Variants in SORCS2 observed in about 807,000 individuals in gnomAD.
SORCS2 encodes the protein VPS10 domain-containing receptor SorCS2.
A neutral mutation model predicts 141.6 loss-of-function variants in SORCS2; 100 were observed. The observed-to-expected ratio is 0.71, with a 90% CI of 0.60 to 0.83. The LOEUF is 0.83. Ranked by LOEUF, SORCS2 falls within the 40% of genes least tolerant of loss-of-function variation. The pLI, the probability that SORCS2 is intolerant of heterozygous loss-of-function variation, is 0.00. For missense variants in SORCS2, 1,646 were observed against 1,560.2 expected, an observed-to-expected ratio of 1.05 and a Z score of -0.93; for synonymous variants, 789 against 676.9, an observed-to-expected ratio of 1.17 and a Z score of -2.57.
rs1177032434 is a variant in SORCS2, at chr4:7,733,340, C to G, written c.3127C>G (p.Gln1043Glu). Residue 1043 changes from glutamine (Q) to glutamate (E), a missense_variant, in exon 24 of 27, where the codon CAG becomes GAG. Gln to Glu is a conservative substitution (Grantham distance 29). Transcript: ENST00000507866. The part of the protein sequence containing the change: ...SSDKRLAAIQ[Q>E]VLNAQKISFL... The stretch of plus-strand genomic sequence containing the variant: ...CTTGCAGAGGCTCGCCGCCATCCAG[C>G]AGGTGCTGAACGCACAGAAGATCAG... 1 of 1,560,274 alleles carries G rather than the reference C, an allele frequency of 6.4e-7. No homozygotes were observed. Among genetic ancestry groups the G allele is most frequent in the Non-Finnish European group, 8.7e-7 (1 of 1,153,952 alleles).
At chr4:7,458,077 AG>A (rs1729037842) in intron 2 of SORCS2, among the ~76,000 whole-genome samples, 1 of 152,198 alleles carries the variant, frequency 6.6e-6, no homozygotes, top group Non-Finnish European at 1.5e-5. Context: ...AACTCCCCTC[AG>A]GGGTGCCATA....
At chr4:7,379,865 A>G (rs1231949176) in intron 1 of SORCS2, among the ~76,000 whole-genome samples, 1 of 152,198 alleles carries the variant, frequency 6.6e-6, no homozygotes, top group Non-Finnish European at 1.5e-5. Context: ...TTTAGACATC[A>G]CCAAATGCTA....
chr4:7,714,393 C>T lies in SORCS2; in HGVS notation c.2123+20C>T, dbSNP rs1045044545. The stretch of plus-strand genomic sequence containing the variant: ...CCTGTGGTGAGCGACGGGCTCCTGG[C>T]CACGAGGCCTCAGGCGCTGCTTGAG... On this transcript the variant is annotated intron_variant, in intron 16 of 26. Coordinates refer to ENST00000507866, the MANE Select transcript of SORCS2 (RefSeq NM_020777.3). 3.2e-6 allele frequency: 5 copies of T among 1,547,360 alleles called. No homozygotes were observed. The highest frequency in any genetic ancestry group is 2.4e-5 in the East Asian group (1 of 40,872).
intron 8 of SORCS2, among the ~76,000 whole-genome samples, chr4:7,674,840 T>C (rs7670494): frequency 0.095 from 14,191 of 149,006 alleles, 1,336 homozygotes; most frequent in African/African-American, 0.25. Flanking sequence ...TAGGCCCTCC[T>C]ATCAGATGAG....
chr4:7,423,332 C>G (rs948403244), intron 2 of SORCS2, among the ~76,000 whole-genome samples: 1 of 152,196 alleles, frequency 6.6e-6, no homozygotes, highest in African/African-American at 2.4e-5. Context: ...AGGTGACAGG[C>G]TCAAGGGAGC....
chr4:7,317,933 G>T (rs2336116), intron 1 of SORCS2, among the ~76,000 whole-genome samples: 88,302 of 152,040 alleles, frequency 0.58, 25,757 homozygotes, highest in South Asian at 0.72. Context: ...GTTGAAGTCC[G>T]AACCCCTAGC....
intron 2 of SORCS2, among the ~76,000 whole-genome samples, chr4:7,463,663 G>T (rs1729444674): frequency 6.6e-6 from 1 of 152,210 alleles, no homozygotes; most frequent in Admixed American, 6.5e-5. Context: ...TCAGTGATTT[G>T]TGCTTGCTGA....
chr4:7,714,550 C>T (rs781599444), intron 16 of SORCS2, among the ~76,000 whole-genome samples, 177 bp downstream of exon 16: 1 of 152,350 alleles, frequency 6.6e-6, no homozygotes, highest in Non-Finnish European at 1.5e-5. Context: ...TCACCAAGAC[C>T]AGCCCACACT....
intron 4 of SORCS2, among the ~76,000 whole-genome samples, chr4:7,652,323 C>G (rs1036716257): frequency 2.6e-5 from 4 of 152,184 alleles, no homozygotes; most frequent in Non-Finnish European, 4.4e-5. Context: ...CCTGGCATTT[C>G]CAAAACTCAT....
Position 7,416,914 on chromosome 4 carries a change from A to G in SORCS2, c.548+20559A>G, listed in dbSNP as rs546421171. On this transcript the variant is annotated intron_variant, in intron 2 of 26. Coordinates refer to ENST00000507866, the MANE Select transcript of SORCS2 (RefSeq NM_020777.3). The stretch of plus-strand genomic sequence containing the variant: ...CATGCACACACACGTGTGCAGACAC[A>G]CTGACACATTCACACACACGCACAC... 6.6e-3 allele frequency among the ~76,000 whole-genome samples: 998 copies of G among 152,220 alleles called. 11 individuals carry two copies. Among genetic ancestry groups the G allele is most frequent in the African/African-American group, 0.023 (952 of 41,536 alleles).
chr4:7,605,911 A>G (rs189830362), intron 3 of SORCS2, among the ~76,000 whole-genome samples: 41 of 152,274 alleles, frequency 2.7e-4, no homozygotes, highest in African/African-American at 9.9e-4. Context: ...ACAGTCCCCC[A>G]GGTGGTGGTC....
At chr4:7,354,645 G>A (rs973079075) in intron 1 of SORCS2, among the ~76,000 whole-genome samples, 33 of 152,152 alleles carry the variant, frequency 2.2e-4, no homozygotes, top group African/African-American at 6.0e-4. Flanking sequence ...ACACCAAATC[G>A]GGGAAGGGCA....
chr4:7,740,031 C>G (rs1239037897), intron 26 of SORCS2, among the ~76,000 whole-genome samples, 169 bp from the exon 27 acceptor site: 1 of 152,112 alleles, frequency 6.6e-6, no homozygotes, highest in Admixed American at 6.5e-5. Context: ...CTCAGGCACC[C>G]ACCTAGGAAC....
chr4:7,502,853 G>A (rs1211780149), intron 2 of SORCS2, among the ~76,000 whole-genome samples: 15 of 152,354 alleles, frequency 9.8e-5, no homozygotes, highest in South Asian at 4.1e-4. Flanking sequence ...CATTTCTTCC[G>A]CTGTGGCGAC....
intron 2 of SORCS2, among the ~76,000 whole-genome samples, chr4:7,471,599 T>C (rs1420311521): frequency 2.0e-5 from 3 of 152,196 alleles, no homozygotes; most frequent in African/African-American, 7.2e-5. Context: ...GTTCCTGGAC[T>C]CATCAGAGCA....
intron 2 of SORCS2, among the ~76,000 whole-genome samples, chr4:7,478,237 G>A (rs10804997): frequency 0.87 from 132,433 of 152,062 alleles, 58,180 homozygotes; most frequent in South Asian, 0.97. Flanking sequence ...GCAGGCAGGA[G>A]GAAGGTGAAA....
chr4:7,561,812 C>A (rs1399415747), intron 3 of SORCS2, among the ~76,000 whole-genome samples: 4 of 146,298 alleles, frequency 2.7e-5, no homozygotes, highest in Admixed American at 2.7e-4. Flanking sequence ...CCCATCTATA[C>A]ATCCATTCAT....
At chr4:7,264,006 C>T (rs1714546928) in intron 1 of SORCS2, among the ~76,000 whole-genome samples, 2 of 152,202 alleles carry the variant, frequency 1.3e-5, no homozygotes, top group Non-Finnish European at 1.5e-5. Context: ...TCCTGAGGAT[C>T]CAGTGTGTGC....
At chr4:7,301,097 A>G (rs1717399886) in intron 1 of SORCS2, among the ~76,000 whole-genome samples, 1 of 152,028 alleles carries the variant, frequency 6.6e-6, no homozygotes, top group South Asian at 2.1e-4. Flanking sequence ...TCCTCGGCCC[A>G]GCCCTGGCGG....
Sources: allele counts gnomAD v4.1 joint callset (sites outside exome capture counted in the v4.1 genomes callset), GRCh38; gene constraint gnomAD v4.1.1; transcripts MANE v1.5; gene names NCBI Gene and HGNC (gene_info 2026-07-23, HGNC 2026-07-21).